The following CHRNA4 variants were observed in gnomAD, a reference collection of about 807,000 sequenced individuals.
CHRNA4 encodes neuronal acetylcholine receptor subunit alpha-4.
A neutral mutation model predicts 48.9 loss-of-function variants in CHRNA4; 28 were observed. The observed-to-expected ratio is 0.57, with a 90% confidence interval of 0.42 to 0.79. The LOEUF is 0.79. Among genes scored for constraint, CHRNA4 ranks in the 30% least tolerant of loss-of-function variants. CHRNA4 has a pLI of 0.00. For missense variants in CHRNA4, 859 were observed against 898.4 expected, an observed-to-expected ratio of 0.96 and a Z score of 0.56; for synonymous variants, 425 against 402.3, an observed-to-expected ratio of 1.06 and a Z score of -0.68.
rs778723658 is a variant in CHRNA4 at position 63,346,682 on chromosome 20, A to G, written c.*56T>C. On this transcript the variant is annotated 3_prime_UTR_variant, in exon 6 of 6. Transcript: ENST00000370263. Reference sequence around the variant, plus strand: ...GCCAGCCCGGCCCCAGGCCGGCCGCATGGATGCTGGCCCCGTGCACGGCAG... The same window carrying G: ...GCCAGCCCGGCCCCAGGCCGGCCGCGTGGATGCTGGCCCCGTGCACGGCAG... 1 of 1,569,968 alleles carries G rather than the reference A, an allele frequency of 6.4e-7. No homozygotes were observed. Among genetic ancestry groups the G allele is most frequent in the Non-Finnish European group, 8.6e-7 (1 of 1,163,902 alleles).
At chr20:63,349,275 C>T (rs896020849) in intron 5 of CHRNA4, among the ~76,000 whole-genome samples, 3 of 152,222 alleles carry the variant, frequency 2.0e-5, no homozygotes, top group African/African-American at 7.2e-5. Context: ...AGGGCCTTGG[C>T]AGTGCCTCGT....
chr20:63,356,994 ACCACATCTCCATGG>A (rs2068728329), intron 2 of CHRNA4, among the ~76,000 whole-genome samples: 1 of 130,214 alleles, frequency 7.7e-6, no homozygotes, highest in South Asian at 2.8e-4. Flanking sequence ...GTCCCCACCG[ACCACATCTCCATGG>A]ACCACATCCC....
chr20:63,359,136 G>A (rs1187572464), intron 2 of CHRNA4, among the ~76,000 whole-genome samples: 1 of 152,260 alleles, frequency 6.6e-6, no homozygotes, highest in Non-Finnish European at 1.5e-5. Context: ...GGCCAGCTAA[G>A]GTTGGGGTGC....
At position 63,346,121 on chromosome 20, in the gene CHRNA4, G is replaced by C. The variant is rs1323615690; in HGVS notation, c.*617C>G. On this transcript the variant is annotated 3_prime_UTR_variant, in exon 6 of 6. Coordinates refer to ENST00000370263, the MANE Select transcript of CHRNA4 (RefSeq NM_000744.7). ...GTTCTCCAAGGCTCCTTAGGCACAA[G>C]ACTTGAGTTCTCACTAACTTACCCA... 1 of 453,976 alleles carries C rather than the reference G, an allele frequency of 2.2e-6. No homozygotes were observed. Among genetic ancestry groups the C allele is most frequent in the African/African-American group, 2.0e-5 (1 of 50,014 alleles). The allele number at this position is 453,976 out of a possible 1,614,324, so 28.1% of individuals were successfully genotyped here.
rs2068483331 is a variant in CHRNA4, at chr20:63,345,796, CA to C, written c.*941del. 1 of 442,066 alleles carries C rather than the reference CA, an allele frequency of 2.3e-6. No homozygotes were observed. The highest frequency in any genetic ancestry group is 2.0e-5 in the African/African-American group (1 of 49,724). 27.4% of individuals were successfully genotyped at this position (442,066 alleles called of 1,614,324 possible). ...AGGGCGGATCTCCCGGGCTGCGCGC[CA>C]AGGTGGAAACCCTCAGGGTCCTGGG... On this transcript the variant is annotated 3_prime_UTR_variant, in exon 6 of 6. Transcript: ENST00000370263. This position sits in a 1 kb window ranked among gnomAD's most constrained non-coding sequence, Gnocchi z 5.4.
chr20:63,356,346 G>A, intron 3 of CHRNA4, 25 bp downstream of exon 3: 1 of 1,566,626 alleles, frequency 6.4e-7, no homozygotes, highest in Non-Finnish European at 8.7e-7. Context: ...GCAGGGGTGG[G>A]GCAGGGCAGT....
At position 63,350,918 on chromosome 20, in the gene CHRNA4, C is replaced by T. The variant is rs762764855; in HGVS notation, c.493G>A (p.Val165Ile). 1.9e-6 allele frequency: 3 copies of T among 1,613,974 alleles called. No individual in the cohort carries two copies. The highest frequency in any genetic ancestry group is 2.2e-5 in the South Asian group (2 of 91,076). ...TGCTGGTCGAAGGGGAAGAAGGTGA[C>T]GTCGATGCTGCAGGAGCTCTTGTAA... Reference protein sequence around the residue: ...AIYKSSCSIDVTFFPFDQQNC... With the variant: ...AIYKSSCSIDITFFPFDQQNC... Residue 165 changes from valine to isoleucine, a missense_variant, in exon 5 of 6, where the codon GTC becomes ATC. Val to Ile is a conservative substitution (Grantham distance 29). This residue lies in a region of CHRNA4 where 342 missense variants were observed against 365.3 expected (regional missense o/e 0.94). Transcript: ENST00000370263.
At chr20:63,355,524 C>T (rs1250694357) in intron 4 of CHRNA4, 1 of 1,291,086 alleles carries the variant, frequency 7.7e-7, no homozygotes, top group East Asian at 5.5e-5. Flanking sequence ...GCAGTCCACA[C>T]TATTCTCCCA....
rs45600338 is a variant in CHRNA4 at position 63,343,739 on chromosome 20, A to C, written c.*2999T>G. The C allele has an allele frequency of 1.3e-5, 6 of 451,332 alleles. No homozygotes were observed. The highest frequency in any genetic ancestry group is 2.7e-5 in the Non-Finnish European group (6 of 224,792). 28.0% of individuals were successfully genotyped at this position (451,332 alleles called of 1,614,324 possible). ...TGGGAAGGAGGGGGCAGGATGGCGC[A>C]AGCAGCCGCAGAGGGGCCGGCGCCC... is the stretch of plus-strand genomic sequence containing the variant. On this transcript the variant is annotated 3_prime_UTR_variant, in exon 6 of 6. Transcript: ENST00000370263.
intron 1 of CHRNA4, chr20:63,359,902 T>C (rs1237456918): frequency 1.1e-4 from 33 of 312,600 alleles, no homozygotes; most frequent in Non-Finnish European, 1.4e-4. Context: ...GTGTGCTGTG[T>C]GTGTGTGTGT....
Position 63,346,483 on chromosome 20 carries a change from G to A in CHRNA4, c.*255C>T, listed in dbSNP as rs187153060. On this transcript the variant is annotated 3_prime_UTR_variant, in exon 6 of 6. Transcript: ENST00000370263. Reference sequence around the variant, plus strand: ...AGCCCGAGTCCTGCAGGTAGAAGGCGCCGACCCCCACCTCTGCTCCAAGCC... The same window carrying A: ...AGCCCGAGTCCTGCAGGTAGAAGGCACCGACCCCCACCTCTGCTCCAAGCC... 7.1e-4 allele frequency: 464 copies of A among 656,000 alleles called. 1 individual carries two copies. In the African/African-American group the frequency reaches 7.1e-3, roughly 10 times the overall value. 40.6% of individuals were successfully genotyped at this position (656,000 alleles called of 1,614,324 possible).
At chr20:63,351,618 T>A (rs968180669) in intron 4 of CHRNA4, among the ~76,000 whole-genome samples, 14 of 152,158 alleles carry the variant, frequency 9.2e-5, no homozygotes, top group Admixed American at 9.2e-4. Context: ...CACCTCCCAG[T>A]GTGTGAGCAT....
chr20:63,344,680 A>G lies in CHRNA4; in HGVS notation c.*2058T>C, dbSNP rs45523232. On this transcript the variant is annotated 3_prime_UTR_variant, in exon 6 of 6. Transcript: ENST00000370263. The surrounding 1 kb of genome is among the most constrained non-coding windows in gnomAD (Gnocchi z 4.5). ...GCCCACACATCTGGCAGCTGGGTCC[A>G]CTTATGCAATGTGGATCGGGCTTCT... is the stretch of plus-strand genomic sequence containing the variant. 0.048 allele frequency: 21,697 copies of G among 453,968 alleles called. 682 individuals carry two copies. Among genetic ancestry groups the G allele is most frequent in the Middle Eastern group, 0.096 (138 of 1,444 alleles). 28.1% of individuals were successfully genotyped at this position (453,968 alleles called of 1,614,324 possible).
chr20:63,359,869 CTGTG>C (rs1296560500), intron 1 of CHRNA4, 170 bp from the exon 2 acceptor site: 12 of 444,910 alleles, frequency 2.7e-5, no homozygotes, highest in African/African-American at 2.0e-4. Flanking sequence ...GGCGTGCGCT[CTGTG>C]TGTGTGTGTG....
At chr20:63,355,548 G>A (rs1405310079) in intron 4 of CHRNA4, 1 of 1,293,186 alleles carries the variant, frequency 7.7e-7, no homozygotes, top group South Asian at 1.2e-5. Flanking sequence ...AGGCCAGGAT[G>A]GGGTCTGATG....
chr20:63,359,363 A>C (rs985872766), intron 2 of CHRNA4, 185 bp downstream of exon 2: 5 of 757,042 alleles, frequency 6.6e-6, no homozygotes, highest in Non-Finnish European at 1.1e-5. Flanking sequence ...GACGCTCTGA[A>C]TCAACCCTTG....
chr20:63,355,637 GC>G (rs1371189630), intron 4 of CHRNA4: 3 of 1,273,536 alleles, frequency 2.4e-6, no homozygotes, highest in Non-Finnish European at 3.1e-6. Context: ...TCAGGAGCCA[GC>G]CCCCAGGCCT....
At chr20:63,360,681 C>A (rs1176693494) in intron 1 of CHRNA4, among the ~76,000 whole-genome samples, 1 of 152,188 alleles carries the variant, frequency 6.6e-6, no homozygotes, top group Non-Finnish European at 1.5e-5. Flanking sequence ...GGGTGGCGGC[C>A]GCCAAGGGCA....
Position 63,345,435 on chromosome 20 carries a change from A to T in CHRNA4, c.*1303T>A, listed in dbSNP as rs895788595. 1.5e-5 allele frequency: 6 copies of T among 393,702 alleles called. No individual in the cohort carries two copies. The highest frequency in any genetic ancestry group is 1.0e-4 in the African/African-American group (5 of 48,664). The allele number at this position is 393,702 out of a possible 1,614,324, so 24.4% of individuals were successfully genotyped here. A position where few individuals can be genotyped will look rare whatever the true frequency, so the allele number is the denominator to read the frequency against. On this transcript the variant is annotated 3_prime_UTR_variant, in exon 6 of 6. Coordinates refer to ENST00000370263, the MANE Select transcript of CHRNA4 (RefSeq NM_000744.7). This position sits in a 1 kb window ranked among gnomAD's most constrained non-coding sequence, Gnocchi z 5.4. ...GGCAGCCTGTGCCCATCCCAAGGGGAAGTGTGCCCCTGGGGACACTGGGGG... is the reference window on the plus strand; with the variant it reads ...GGCAGCCTGTGCCCATCCCAAGGGGTAGTGTGCCCCTGGGGACACTGGGGG...
Sources: gnomAD v4.1 joint callset for allele counts (sites outside exome capture counted in the v4.1 genomes callset) on GRCh38, gnomAD v4.1.1 for gene constraint, gnomAD v4.1.1 regional missense constraint, Gnocchi (gnomAD v3.1) non-coding constraint, MANE v1.5 for transcripts, NCBI Gene and HGNC (gene_info 2026-07-23, HGNC 2026-07-21) for gene names.